Variants in MLXIP observed in about 807,000 individuals in gnomAD.
The protein encoded by MLXIP is MLX interacting protein, also known as MLX-interacting protein.
MLXIP carries 30 observed loss-of-function variants against 87.2 expected under a neutral mutation model. The observed-to-expected ratio is 0.34, with a 90% CI of 0.26 to 0.47. The LOEUF (loss-of-function observed/expected upper bound fraction) is 0.47. MLXIP is among the 20% of genes least tolerant of loss of function. The probability of loss-of-function intolerance (pLI) is 1.00; values close to 1 mark genes in which losing one functional copy is unlikely to be tolerated. For missense variants in MLXIP, 1,002 were observed against 1,240.1 expected (o/e 0.81, Z 2.88); for synonymous variants, 530 against 514.0 (o/e 1.03, Z -0.42).
At chr12:122,124,480 G>C (rs1952847508) in intron 1 of MLXIP, among the ~76,000 whole-genome samples, 1 of 139,950 alleles carries the variant, frequency 7.1e-6, no homozygotes, top group Non-Finnish European at 1.5e-5. Flanking sequence ...GTGCAGAGCA[G>C]ATGAGGCTTC....
rs1391089094 is a variant in MLXIP at position 122,114,759 on chromosome 12, G to GC, written c.414-12497_414-12496insC. On this transcript the variant is annotated intron_variant, in intron 1 of 16. Transcript: ENST00000319080. ...CTTCTTTTTTTTTTTTTTTTTTGGT[G>GC]GGGGGGGACAGGGTCTCACTCTGTT... 2.7e-3 allele frequency among the ~76,000 whole-genome samples: 111 copies of GC among 40,596 alleles called. 4 individuals are homozygous for GC. Among genetic ancestry groups the GC allele is most frequent in the Non-Finnish European group, 4.6e-3 (93 of 20,130 alleles). 26.6% of individuals were successfully genotyped at this position (40,596 alleles called of 152,430 possible).
At chr12:122,107,801 G>A (rs1383580554) in intron 1 of MLXIP, among the ~76,000 whole-genome samples, 1 of 151,870 alleles carries the variant, frequency 6.6e-6, no homozygotes, top group Non-Finnish European at 1.5e-5. Context: ...TGATTGAAAA[G>A]GGGGATTTGG....
chr12:122,123,918 G>GCCA (rs1479311003), intron 1 of MLXIP, among the ~76,000 whole-genome samples: 54 of 152,252 alleles, frequency 3.5e-4, no homozygotes, highest in African/African-American at 1.2e-3. Flanking sequence ...GCTCACTGGG[G>GCCA]CCACCACAGG....
chr12:122,142,122 T>A lies in MLXIP; in HGVS notation c.*310T>A. ...GCTGGCCGTGCTGGTCCTGCCCTGC[T>A]GGTGGCCTGCCGGGCCTGGCGCCGG... On this transcript the variant is annotated 3_prime_UTR_variant, in exon 17 of 17. Coordinates refer to ENST00000319080, the MANE Select transcript of MLXIP (RefSeq NM_014938.6). 2 of 701,938 alleles carry A rather than the reference T, an allele frequency of 2.8e-6. No individual in the cohort carries two copies. The highest frequency in any genetic ancestry group is 2.6e-6 in the Non-Finnish European group (1 of 385,494). The allele number at this position is 701,938 out of a possible 1,614,324, so 43.5% of individuals were successfully genotyped here.
Position 122,127,259 on chromosome 12 carries a change from G to A in MLXIP, c.417G>A (p.Gly139=), listed in dbSNP as rs1192389708. Residue 139 remains glycine, a synonymous_variant, in exon 2 of 17, where the codon GGG becomes GGA. Coordinates refer to ENST00000319080, the MANE Select transcript of MLXIP (RefSeq NM_014938.6). ...CCCGCTTTGCCTTGCCTTTCAGTGG[G>A]AAGTTGGTGTCTCCAAAGTGGAAGA... The part of the protein sequence containing the change: ...LFECMTLAYS[G]KLVSPKWKNF... 1 of 1,612,948 alleles carries A rather than the reference G, an allele frequency of 6.2e-7. No individual in the cohort carries two copies. Among genetic ancestry groups the A allele is most frequent in the Non-Finnish European group, 8.5e-7 (1 of 1,179,230 alleles).
intron 7 of MLXIP, among the ~76,000 whole-genome samples, chr12:122,131,815 A>G (rs998158295): frequency 1.4e-5 from 2 of 147,170 alleles, no homozygotes; most frequent in Non-Finnish European, 3.0e-5. Flanking sequence ...TGCACCCTCA[A>G]CCTCCCTCCT....
At chr12:122,084,346 A>AT (rs1952135690) in intron 1 of MLXIP, among the ~76,000 whole-genome samples, 1 of 152,276 alleles carries the variant, frequency 6.6e-6, no homozygotes, top group Admixed American at 6.5e-5. Flanking sequence ...CCAAACTTCC[A>AT]TTGCTTGTAG....
At chr12:122,112,505 G>T (rs765105203) in intron 1 of MLXIP, among the ~76,000 whole-genome samples, 1 of 152,092 alleles carries the variant, frequency 6.6e-6, no homozygotes, top group Non-Finnish European at 1.5e-5. Context: ...ATAGCCGGAC[G>T]TGGTGGTGGC....
Position 122,145,517 on chromosome 12 carries a change from C to T in MLXIP, c.*3705C>T, listed in dbSNP as rs906318018. On this transcript the variant is annotated 3_prime_UTR_variant, in exon 17 of 17. Transcript: ENST00000319080. ...GGGGCTTACACACCCACCTCATCTC[C>T]GTGCACAGCCATGACTGGCCCTGCC... 5.9e-5 allele frequency: 9 copies of T among 152,338 alleles called. No individual in the cohort carries two copies. The highest frequency in any genetic ancestry group is 5.2e-4 in the Admixed American group (8 of 15,284). 9.4% of individuals were successfully genotyped at this position (152,338 alleles called of 1,614,324 possible).
chr12:122,130,484 C>G (rs1307617210), intron 6 of MLXIP, among the ~76,000 whole-genome samples: 2 of 151,216 alleles, frequency 1.3e-5, no homozygotes, highest in Admixed American at 6.6e-5. Flanking sequence ...AGAAGCACTC[C>G]CGGGTGTGAC....
At position 122,130,243 on chromosome 12, in the gene MLXIP, G is replaced by A. The variant is rs1593107905; in HGVS notation, c.910+131G>A. On this transcript the variant is annotated intron_variant, in intron 6 of 16. Coordinates refer to ENST00000319080, the MANE Select transcript of MLXIP (RefSeq NM_014938.6). The stretch of plus-strand genomic sequence containing the variant: ...GTCACGGTTGGGGGCAGGCAGTAAG[G>A]AAGGGAAGGATGGCTGGCCTCATTT... 3 of 953,694 alleles carry A rather than the reference G, an allele frequency of 3.1e-6. No individual in the cohort carries two copies. In the East Asian group the frequency reaches 7.9e-5, roughly 25 times the overall value. The allele number at this position is 953,694 out of a possible 1,614,324, so 59.1% of individuals were successfully genotyped here. A position where few individuals can be genotyped will look rare whatever the true frequency, so the allele number is the denominator to read the frequency against.
chr12:122,128,412 T>TA (rs2135970853), intron 3 of MLXIP: 1 of 161,722 alleles, frequency 6.2e-6, no homozygotes, highest in South Asian at 1.8e-4. Flanking sequence ...CTGTTAACGA[T>TA]AAAGGGGGAA....
chr12:122,102,250 CAAAT>C (rs958857301), intron 1 of MLXIP, among the ~76,000 whole-genome samples: 11 of 151,886 alleles, frequency 7.2e-5, no homozygotes, highest in African/African-American at 1.4e-4. Context: ...AAAAAAAACA[CAAAT>C]AACCCAATTT....
chr12:122,129,485 A>G (rs902455933), intron 4 of MLXIP, 103 bp from the exon 5 acceptor site: 127 of 1,355,278 alleles, frequency 9.4e-5, no homozygotes, highest in Admixed American at 5.9e-5. Context: ...GGATGGTGTG[A>G]GCAGGACCCC....
chr12:122,078,796 TC>T lies in MLXIP; in HGVS notation c.-57del, dbSNP rs1952046607. On this transcript the variant is annotated 5_prime_UTR_variant, in exon 1 of 17. Coordinates refer to ENST00000319080, the MANE Select transcript of MLXIP (RefSeq NM_014938.6). ...CGGGCCGGGCCGGCGCCCCTCTGCC[TC>T]GCGCGCTTGTCGCGTTGCCCCGGGC... 1 of 1,021,454 alleles carries T rather than the reference TC, an allele frequency of 9.8e-7. No homozygotes were observed. Among genetic ancestry groups the T allele is most frequent in the African/African-American group, 1.8e-5 (1 of 55,644 alleles). 63.3% of individuals were successfully genotyped at this position (1,021,454 alleles called of 1,614,324 possible).
At chr12:122,080,974 T>G (rs1952082554) in intron 1 of MLXIP, among the ~76,000 whole-genome samples, 1 of 152,118 alleles carries the variant, frequency 6.6e-6, no homozygotes, top group African/African-American at 2.4e-5. Context: ...ACTGGAAAGG[T>G]CTCACCTAAG....
At chr12:122,132,648 C>T (rs925669527) in intron 8 of MLXIP, 13 of 429,422 alleles carry the variant, frequency 3.0e-5, no homozygotes, top group South Asian at 9.2e-5. Context: ...AGCTCTGCTC[C>T]GACTAATTAA....
rs911408492 is a variant in MLXIP, at chr12:122,141,744, C to T, written c.2692C>T (p.Pro898Ser). ...LSTSTSILTDPAQLPEQASKA... is the reference protein window; with the variant it reads ...LSTSTSILTDSAQLPEQASKA... ...CACCTCCACCTCCATCCTCACAGAC[C>T]CGGCACAGCTGCCAGAGCAGGCGTC... The change falls in exon 17 of 17, where the codon CCG becomes TCG. Residue 898 changes from proline to serine, a missense_variant. Pro to Ser is a moderately conservative substitution (Grantham distance 74). Coordinates refer to ENST00000319080, the MANE Select transcript of MLXIP (RefSeq NM_014938.6). 1.1e-5 allele frequency: 18 copies of T among 1,613,858 alleles called. No individual in the cohort carries two copies. Among genetic ancestry groups the T allele is most frequent in the Non-Finnish European group, 1.5e-5 (18 of 1,179,876 alleles).
At chr12:122,124,296 GCCCTCAGCCGTCCCCC>G in intron 1 of MLXIP, among the ~76,000 whole-genome samples, 1 of 37,884 alleles carries the variant, frequency 2.6e-5, no homozygotes, top group South Asian at 1.2e-3. Context: ...CCGTCCCCCT[GCCCTCAGCCGTCCCCC>G]TCCTCAGCCG....
Sources: allele counts gnomAD v4.1 joint callset (sites outside exome capture counted in the v4.1 genomes callset), GRCh38; gene constraint gnomAD v4.1.1; transcripts MANE v1.5; gene names NCBI Gene and HGNC (gene_info 2026-07-23, HGNC 2026-07-21).